Variants in DOCK5 observed in about 807,000 individuals in gnomAD.
DOCK5 encodes dedicator of cytokinesis protein 5.
In DOCK5, 142 loss-of-function variants were observed where a neutral mutation model predicts 251.8. The ratio of observed to expected loss-of-function variants is 0.56; its 90% CI spans 0.49 to 0.65. The LOEUF is 0.65. DOCK5 is among the 30% of genes least tolerant of loss of function. DOCK5 has a pLI of 0.00. For synonymous variants in DOCK5, 842 were observed against 835.5 expected (o/e 1.01, Z -0.13); for missense variants, 2,111 against 2,312.3 (o/e 0.91, Z 1.79).
intron 25 of DOCK5, among the ~76,000 whole-genome samples, 181 bp downstream of exon 25, chr8:25,342,688 C>CTTGTTTTTTTTTTTTTTTTTTTTTTTTT (rs1800261187): frequency 8.8e-6 from 1 of 114,262 alleles, no homozygotes; most frequent in Non-Finnish European, 1.8e-5. Context: ...TTTGTTTTTT[C>CTTGTTTTTTTTTTTTTTTTTTTTTTTTT]TTGTTTTTTT....
At chr8:25,268,737 A>C in intron 2 of DOCK5, 108 bp from the exon 3 acceptor site, 1 of 879,566 alleles carries the variant, frequency 1.1e-6, no homozygotes, top group South Asian at 1.6e-5. Flanking sequence ...GTCTCTGTCA[A>C]CTGTTGTATC....
intron 16 of DOCK5, among the ~76,000 whole-genome samples, chr8:25,323,228 A>C (rs1318970509): frequency 6.6e-6 from 1 of 152,220 alleles, no homozygotes; most frequent in African/African-American, 2.4e-5. Flanking sequence ...CTTTCCTGGC[A>C]CTGGAGCTGG....
At position 25,403,335 on chromosome 8, in the gene DOCK5, C is replaced by A. The variant is rs149058826; in HGVS notation, c.4927-223C>A. On this transcript the variant is annotated intron_variant, in intron 47 of 51. Coordinates refer to ENST00000276440, the MANE Select transcript of DOCK5 (RefSeq NM_024940.8). ...ATGACAACTTTTTCTCTAGTCTTAGCATCAGGGAGGTTTAACCTAAGTTGT... is the reference window on the plus strand; with the variant it reads ...ATGACAACTTTTTCTCTAGTCTTAGAATCAGGGAGGTTTAACCTAAGTTGT... 3.4e-3 allele frequency among the ~76,000 whole-genome samples: 515 copies of A among 152,240 alleles called. 3 individuals carry two copies. The highest frequency in any genetic ancestry group is 0.028 in the South Asian group (135 of 4,814).
chr8:25,374,470 C>T lies in DOCK5; in HGVS notation c.3726-94C>T, dbSNP rs189442526. 1.4e-3 allele frequency: 1,681 copies of T among 1,198,034 alleles called. 33 individuals are homozygous for T. In the South Asian group the frequency reaches 0.019, roughly 14 times the overall value. The allele number at this position is 1,198,034 out of a possible 1,614,324, so 74.2% of individuals were successfully genotyped here. ...TGATCGGACCACTGCATACTGCAGCCTGGGCAATACAGCAAGACCCTGTCT... is the reference window on the plus strand; with the variant it reads ...TGATCGGACCACTGCATACTGCAGCTTGGGCAATACAGCAAGACCCTGTCT... On this transcript the variant is annotated intron_variant, in intron 36 of 51. Transcript: ENST00000276440.
Position 25,391,894 on chromosome 8 carries a change from A to G in DOCK5, c.4356-2A>G, listed in dbSNP as rs1801265790. On this transcript the variant is annotated splice_acceptor_variant, in intron 42 of 51. Coordinates refer to ENST00000276440, the MANE Select transcript of DOCK5 (RefSeq NM_024940.8). LOFTEE classifies it high-confidence loss of function. ...ATACAGCATTGCTTTGTCCTTCTCC[A>G]GCTACTACAGAGCCAATGAAGTGCA... 1 of 1,613,620 alleles carries G rather than the reference A, an allele frequency of 6.2e-7. No individual in the cohort carries two copies. The highest frequency in any genetic ancestry group is 1.7e-5 in the Admixed American group (1 of 59,974).
intron 22 of DOCK5, among the ~76,000 whole-genome samples, chr8:25,337,400 C>G (rs771351445): frequency 1.3e-5 from 2 of 150,588 alleles, no homozygotes; most frequent in East Asian, 2.0e-4. Flanking sequence ...TGAATAAAAA[C>G]AAAAAAGAAG....
At chr8:25,204,296 T>G (rs1021442235) in intron 1 of DOCK5, among the ~76,000 whole-genome samples, 4 of 152,158 alleles carry the variant, frequency 2.6e-5, no homozygotes, top group African/African-American at 9.7e-5. Context: ...TTTAGGTTTT[T>G]GGGGGATAGT....
intron 6 of DOCK5, 115 bp downstream of exon 6, chr8:25,292,287 T>TA: frequency 8.4e-7 from 1 of 1,184,250 alleles, no homozygotes; most frequent in Non-Finnish European, 1.1e-6. Context: ...GAATAATGCT[T>TA]ACTGCTCTCA....
chr8:25,227,074 T>G (rs1802551608), intron 1 of DOCK5, among the ~76,000 whole-genome samples: 1 of 152,232 alleles, frequency 6.6e-6, no homozygotes, highest in East Asian at 1.9e-4. Flanking sequence ...ATAAACAGCC[T>G]TATTCATATT....
intron 26 of DOCK5, 80 bp from the exon 27 acceptor site, chr8:25,351,651 A>G: frequency 8.9e-7 from 1 of 1,124,192 alleles, no homozygotes; most frequent in East Asian, 2.5e-5. Context: ...ATCTAAAGAC[A>G]AAACTCATCT....
chr8:25,233,798 T>G (rs1321007287), intron 1 of DOCK5, among the ~76,000 whole-genome samples: 1 of 152,238 alleles, frequency 6.6e-6, no homozygotes, highest in African/African-American at 2.4e-5. Context: ...AAGTACATAG[T>G]AGGTGTATAT....
intron 20 of DOCK5, 51 bp downstream of exon 20, chr8:25,332,743 T>A (rs1805711757): frequency 1.5e-6 from 2 of 1,336,852 alleles, no homozygotes; most frequent in East Asian, 2.4e-5. Flanking sequence ...CTTTGTAGTT[T>A]TCAATATTTC....
rs5890230 is a variant in DOCK5, at chr8:25,396,763, C to CGTGTGTGTGTGTGTGTGT, written c.4704+1063_4704+1080dup. Among the ~76,000 whole-genome samples the CGTGTGTGTGTGTGTGTGT allele has an allele frequency of 2.8e-3, 408 of 147,194 alleles. 6 individuals carry two copies. Among genetic ancestry groups the CGTGTGTGTGTGTGTGTGT allele is most frequent in the African/African-American group, 9.5e-3 (375 of 39,530 alleles). ...ATTAATTGGGTGGCACTCTTGTGTC[C>CGTGTGTGTGTGTGTGTGT]GTGTGTGTGTGTGTGTGTGTGTGTG... On this transcript the variant is annotated intron_variant, in intron 45 of 51. Transcript: ENST00000276440.
At chr8:25,386,119 G>A (rs752749604) in intron 40 of DOCK5, among the ~76,000 whole-genome samples, 1 of 152,156 alleles carries the variant, frequency 6.6e-6, no homozygotes, top group Non-Finnish European at 1.5e-5. Flanking sequence ...ACGTACTCAA[G>A]GGGAGGTACA....
chr8:25,265,110 A>AT (rs1184028712), intron 2 of DOCK5, among the ~76,000 whole-genome samples: 5 of 151,244 alleles, frequency 3.3e-5, no homozygotes, highest in African/African-American at 1.2e-4. Flanking sequence ...CACCATCTCC[A>AT]TGGCATATAA....
rs1308314953 is a variant in DOCK5, at chr8:25,413,039, T to A, written c.*1741T>A. 6.6e-6 allele frequency: 1 copy of A among 152,212 alleles called. No homozygotes were observed. Among genetic ancestry groups the A allele is most frequent in the Non-Finnish European group, 1.5e-5 (1 of 68,040 alleles). The allele number at this position is 152,212 out of a possible 1,614,324, so 9.4% of individuals were successfully genotyped here. On this transcript the variant is annotated 3_prime_UTR_variant, in exon 52 of 52. Transcript: ENST00000276440. ...ACCCATTTGGTGGAATTAAACCCAT[T>A]TGGTTTCAAATCCCAGTTATGACAT...
At chr8:25,329,832 C>G (rs1040686429) in intron 18 of DOCK5, among the ~76,000 whole-genome samples, 3 of 151,932 alleles carry the variant, frequency 2.0e-5, no homozygotes, top group Non-Finnish European at 4.4e-5. Flanking sequence ...CACTATACAG[C>G]GAGAAAAAAA....
intron 1 of DOCK5, among the ~76,000 whole-genome samples, chr8:25,192,622 C>T (rs1801612289): frequency 6.6e-6 from 1 of 152,212 alleles, no homozygotes; most frequent in South Asian, 2.1e-4. Flanking sequence ...TCTCCCACCT[C>T]AGCCTCTGGA....
intron 1 of DOCK5, among the ~76,000 whole-genome samples, chr8:25,225,061 A>G (rs189209940): frequency 2.0e-5 from 3 of 152,378 alleles, no homozygotes; most frequent in East Asian, 1.9e-4. Context: ...ATCCATTAGA[A>G]TGGCTGTTAT....
Sources: gnomAD v4.1 joint callset for allele counts (sites outside exome capture counted in the v4.1 genomes callset) on GRCh38, gnomAD v4.1.1 for gene constraint, MANE v1.5 for transcripts, NCBI Gene and HGNC (gene_info 2026-07-23, HGNC 2026-07-21) for gene names.